Variants in MIAT observed in about 807,000 individuals in gnomAD.
The protein encoded by MIAT is myocardial infarction associated transcript.
intron 2 of MIAT, among the ~76,000 whole-genome samples, chr22:26,656,344 G>T (rs1199679279): frequency 3.4e-5 from 5 of 145,904 alleles, no homozygotes; most frequent in African/African-American, 1.3e-4. Context: ...TTTTTTTTGA[G>T]ATGGGGTCTG....
downstream of MIAT, chr22:26,672,627 A>T (rs1931090797): frequency 2.5e-6 from 1 of 399,032 alleles, no homozygotes; most frequent in Admixed American, 4.4e-5. Context: ...TTGTTAAGTG[A>T]CGGGGATAGA....
rs532913852 is a variant in MIAT, at chr22:26,665,097, C to T, written n.730-434C>T. On this transcript the variant is annotated intron_variant and non_coding_transcript_variant, in intron 3 of 5. Coordinates refer to ENST00000643270, the Ensembl canonical transcript of MIAT. The stretch of plus-strand genomic sequence containing the variant: ...ACTACTAAAAAAAAAATAAGTTAGC[C>T]GGGCGTGGTGGCACACATCTGTAAT... 9.8e-4 allele frequency among the ~76,000 whole-genome samples: 149 copies of T among 152,024 alleles called. 1 individual carries two copies. Among genetic ancestry groups the T allele is most frequent in the African/African-American group, 3.0e-3 (123 of 41,442 alleles).
At chr22:26,674,543 C>A, downstream of MIAT, 3 of 398,840 alleles carry the variant, frequency 7.5e-6, no homozygotes. Context: ...TGCTGAGAGC[C>A]CTTTTCTCTG....
At chr22:26,671,514 C>G, downstream of MIAT, 1 of 398,734 alleles carries the variant, frequency 2.5e-6, no homozygotes, top group Non-Finnish European at 4.4e-6. Flanking sequence ...CGAGCATGCC[C>G]TACTAACCAC....
intron 2 of MIAT, among the ~76,000 whole-genome samples, chr22:26,656,985 G>T (rs777386734): frequency 2.0e-5 from 3 of 152,230 alleles, no homozygotes; most frequent in African/African-American, 7.2e-5. Context: ...TGCTGTACAC[G>T]CATGAAGTTA....
downstream of MIAT, chr22:26,670,602 T>TTAA (rs367735721): frequency 0.051 from 15,608 of 304,256 alleles, 3 homozygotes; most frequent in East Asian, 0.071. Context: ...CATTGCTCCT[T>TTAA]AAAAAAAAAA....
In MIAT at chr22:26,660,477, AAAAAG is replaced by A. The variant is rs1320934311; in HGVS notation, n.647-2836_647-2832del. Among the ~76,000 whole-genome samples the A allele has an allele frequency of 3.8e-4, 58 of 151,790 alleles. No individual in the cohort carries two copies. The East Asian group carries it at 8.6e-3, about 22-fold the overall frequency. ...AGACTATCTCAAAAAAAAAAAAAAA[AAAAAG>A]AAGAAGAAGAAGAAAAGAAATTGCA... On this transcript the variant is annotated intron_variant and non_coding_transcript_variant, in intron 2 of 5. Transcript: ENST00000643270.
chr22:26,660,899 A>G (rs1930638475), intron 2 of MIAT: 1 of 152,126 alleles, frequency 6.6e-6, no homozygotes, highest in South Asian at 2.1e-4. Context: ...TTCCTCATCT[A>G]TAAAGTGGCA....
chr22:26,654,428 C>T (rs1304064254), intron 2 of MIAT, among the ~76,000 whole-genome samples: 1 of 152,188 alleles, frequency 6.6e-6, no homozygotes, highest in African/African-American at 2.4e-5. Context: ...GATTATAAAA[C>T]AGGTGGCTTG....
chr22:26,666,505 AC>A (rs1820432237), exon 4 of MIAT: 1 of 398,506 alleles, frequency 2.5e-6, no homozygotes, highest in Non-Finnish European at 4.4e-6. Flanking sequence ...TTCCAGGGCC[AC>A]CCAGTGTGGC....
chr22:26,647,778 T>C (rs2145995940), intron 2 of MIAT, among the ~76,000 whole-genome samples: 1 of 149,570 alleles, frequency 6.7e-6, no homozygotes, highest in South Asian at 2.1e-4. Flanking sequence ...GGAAGCCCAG[T>C]AGGGGATGTT....
chr22:26,666,677 C>T (rs937625338), exon 4 of MIAT: 1 of 398,502 alleles, frequency 2.5e-6, no homozygotes, highest in African/African-American at 2.1e-5. Flanking sequence ...ACCCTTCTCC[C>T]CTCACCTTTT....
At chr22:26,653,550 A>G (rs79624383) in intron 2 of MIAT, among the ~76,000 whole-genome samples, 3,785 of 152,300 alleles carry the variant, frequency 0.025, 149 homozygotes, top group African/African-American at 0.086. Context: ...GCACTGAGAT[A>G]ATATGCAGAA....
intron 2 of MIAT, among the ~76,000 whole-genome samples, chr22:26,654,020 G>A (rs535042168): frequency 4.7e-4 from 72 of 152,246 alleles, no homozygotes; most frequent in African/African-American, 1.6e-3. Flanking sequence ...GATTACAGGC[G>A]TGAGCCACCA....
At chr22:26,662,247 C>A (rs1359977916) in intron 2 of MIAT, among the ~76,000 whole-genome samples, 1 of 152,078 alleles carries the variant, frequency 6.6e-6, no homozygotes, top group Admixed American at 6.6e-5. Flanking sequence ...TGAGCCACTG[C>A]GCCCAGTCCC....
exon 4 of MIAT, chr22:26,666,462 G>A (rs1047308781): frequency 3.0e-5 from 12 of 398,510 alleles, no homozygotes; most frequent in African/African-American, 1.0e-4. Flanking sequence ...GGTGATTACC[G>A]TGCACCTTGA....
downstream of MIAT, chr22:26,673,908 T>C (rs148023352): frequency 9.0e-5 from 36 of 398,696 alleles, no homozygotes; most frequent in Non-Finnish European, 1.4e-4. Flanking sequence ...ATATCTTCAC[T>C]CCTCATAGTC....
In MIAT at chr22:26,667,260, C is replaced by G. The variant is rs548648444; in HGVS notation, n.2212C>G. The G allele has an allele frequency of 3.2e-4, 126 of 398,654 alleles. 2 individuals are homozygous for G. The highest frequency in any genetic ancestry group is 2.2e-3 in the African/African-American group (105 of 48,726). 24.7% of individuals were successfully genotyped at this position (398,654 alleles called of 1,614,324 possible). ...GGTGAACCCAGAGACATGATCCCATCTGCTCAGATCTTCATGTCAGAACAC... is the reference window on the plus strand; with the variant it reads ...GGTGAACCCAGAGACATGATCCCATGTGCTCAGATCTTCATGTCAGAACAC... On this transcript the variant is annotated non_coding_transcript_exon_variant, in exon 5 of 6. Transcript: ENST00000643270.
intron 2 of MIAT, among the ~76,000 whole-genome samples, chr22:26,660,533 T>G (rs1275559792): frequency 6.6e-6 from 1 of 150,632 alleles, no homozygotes; most frequent in Non-Finnish European, 1.5e-5. Context: ...TTTTGAAAAG[T>G]TACATCAGAT....
Sources: gnomAD v4.1 joint callset for allele counts (sites outside exome capture counted in the v4.1 genomes callset) on GRCh38, gnomAD v4.1.1 for gene constraint, MANE v1.5 for transcripts, NCBI Gene and HGNC (gene_info 2026-07-23, HGNC 2026-07-21) for gene names.